Variants in BRCA1 observed in about 807,000 individuals in gnomAD.
BRCA1 encodes BRCA1 DNA repair associated.
In BRCA1, 140 loss-of-function variants were observed where a neutral mutation model predicts 173.7. The ratio of observed to expected loss-of-function variants is 0.81; its 90% confidence interval spans 0.70 to 0.93. The LOEUF (loss-of-function observed/expected upper bound fraction) is 0.93. Ranked by LOEUF, BRCA1 falls within the 40% of genes least tolerant of loss-of-function variation. BRCA1 has a pLI of 0.00. For synonymous variants in BRCA1, 662 were observed against 756.0 expected, an observed-to-expected ratio of 0.88 and a Z score of 2.04; for missense variants, 1,983 against 2,172.5, an observed-to-expected ratio of 0.91 and a Z score of 1.73.
chr17:43,067,630 A>T lies in BRCA1; in HGVS notation c.5052T>A (p.Thr1684=), dbSNP rs760922019. The change falls in exon 16 of 23, where the codon ACT becomes ACA. Residue 1684 remains threonine (T), a synonymous_variant. Coordinates refer to ENST00000357654, the MANE Select transcript of BRCA1 (RefSeq NM_007294.4). ...ITLTNLITEE[T]THVVMKTDAE... ...TACCTGTTTTCATAACAACATGAGT[A>T]GTCTCTTCAGTAATTAGATTAGTTA... 6 of 1,612,406 alleles carry T rather than the reference A, an allele frequency of 3.7e-6. No homozygotes were observed. The highest frequency in any genetic ancestry group is 5.1e-6 in the Non-Finnish European group (6 of 1,178,450).
chr17:43,150,140 T>C lies in BRCA1; in HGVS notation c.-20+19986A>G, dbSNP rs146549889. Among the ~76,000 whole-genome samples the C allele has an allele frequency of 2.8e-4, 42 of 152,216 alleles. No individual in the cohort carries two copies. In the East Asian group the frequency reaches 7.9e-3, roughly 29 times the overall value. ...TATTTATTTATTTGAGACCGGGTCT[T>C]GCCCTGTTGCCCTGGCTAGAGTGTA... On this transcript the variant is annotated intron_variant, in intron 1 of 7. Coordinates refer to the BRCA1 transcript ENST00000634433.
chr17:43,104,685 C>T (rs141203907), intron 5 of BRCA1, among the ~76,000 whole-genome samples, 183 bp downstream of exon 5: 57 of 152,182 alleles, frequency 3.7e-4, no homozygotes, highest in African/African-American at 9.2e-4. Context: ...GTGCACCTTA[C>T]GATTGATAAA....
rs201678971 is a variant in BRCA1 at position 43,100,585 on chromosome 17, CAT to C, written c.442-707_442-706del. ...ATATATATATATAACATATATATAA[CAT>C]ATATATATTATATATATATAACATA... On this transcript the variant is annotated intron_variant, in intron 6 of 22. Transcript: ENST00000357654. Among the ~76,000 whole-genome samples the C allele has an allele frequency of 3.5e-3, 326 of 93,536 alleles. 12 individuals carry two copies. Among genetic ancestry groups the C allele is most frequent in the Non-Finnish European group, 4.5e-3 (242 of 53,240 alleles). The allele number at this position is 93,536 out of a possible 152,430, so 61.4% of individuals were successfully genotyped here. A position where few individuals can be genotyped will look rare whatever the true frequency, so the allele number is the denominator to read the frequency against.
chr17:43,100,630 TG>T (rs1278852541), intron 6 of BRCA1, among the ~76,000 whole-genome samples: 5 of 57,828 alleles, frequency 8.6e-5, no homozygotes, highest in South Asian at 7.4e-4. Flanking sequence ...CATATATATA[TG>T]TTATATATAT....
At chr17:43,126,267 C>T (rs749009072), upstream of BRCA1, among the ~76,000 whole-genome samples, 89 of 152,196 alleles carry the variant, frequency 5.8e-4, 1 homozygote, top group Admixed American at 5.6e-3. Flanking sequence ...ACGCAATCGC[C>T]ACCAGTCAAT....
intron 15 of BRCA1, among the ~76,000 whole-genome samples, chr17:43,069,634 G>C (rs2153772820): frequency 6.6e-6 from 1 of 152,220 alleles, no homozygotes; most frequent in African/African-American, 2.4e-5. Flanking sequence ...TCTGGACATG[G>C]GATTATGAGA....
intron 18 of BRCA1, among the ~76,000 whole-genome samples, chr17:43,059,046 G>A (rs1393836714): frequency 6.6e-6 from 1 of 152,150 alleles, no homozygotes; most frequent in Non-Finnish European, 1.5e-5. Context: ...TGAATGAGGA[G>A]TCTAGTGATA....
At chr17:43,169,117 C>T (rs1328076804) in intron 1 of BRCA1, among the ~76,000 whole-genome samples, 1 of 152,190 alleles carries the variant, frequency 6.6e-6, no homozygotes, top group Non-Finnish European at 1.5e-5. Context: ...CCTTCCCAGA[C>T]ATATTCCTGG....
At position 43,093,535 on chromosome 17, in the gene BRCA1, G is replaced by C. The variant is rs1555590709; in HGVS notation, c.1996C>G (p.Leu666Val). ...NQMPVRHSRNLQLMEGKEPAT... is the reference protein window; with the variant it reads ...NQMPVRHSRNVQLMEGKEPAT... ...GGTTCTTTACCTTCCATGAGTTGTA[G>C]GTTTCTGCTGTGCCTGACTGGCATT... Residue 666 changes from leucine to valine, a missense_variant, in exon 10 of 23, where the codon CTA (leucine) becomes GTA (valine). Transcript: ENST00000357654. The C allele has an allele frequency of 6.2e-7, 1 of 1,613,950 alleles. No individual in the cohort carries two copies. Among genetic ancestry groups the C allele is most frequent in the Admixed American group, 1.7e-5 (1 of 60,008 alleles).
At chr17:43,087,357 T>C (rs2053266612) in intron 11 of BRCA1, among the ~76,000 whole-genome samples, 1 of 152,064 alleles carries the variant, frequency 6.6e-6, no homozygotes, top group African/African-American at 2.4e-5. Context: ...AAAAATGAAG[T>C]CACTTAAGAA....
chr17:43,064,998 T>C (rs1024297775), intron 16 of BRCA1, among the ~76,000 whole-genome samples: 1 of 151,912 alleles, frequency 6.6e-6, no homozygotes, highest in Non-Finnish European at 1.5e-5. Context: ...GCCCGGCTAA[T>C]TTTTTGTATT....
chr17:43,093,825 T>C lies in BRCA1; in HGVS notation c.1706A>G (p.Asn569Ser), dbSNP rs1060502329. 1.2e-6 allele frequency: 2 copies of C among 1,613,484 alleles called. No homozygotes were observed. Among genetic ancestry groups the C allele is most frequent in the Non-Finnish European group, 1.7e-6 (2 of 1,179,866 alleles). The change falls in exon 10 of 23, where the codon AAC becomes AGC. Residue 569 changes from asparagine to serine, a missense_variant. Transcript: ENST00000357654. ...TTCTTTTTCGAGTGATTCTATTGGG[T>C]TAGGATTTTTCTCATTCTGAATAGA... Reference protein sequence around the residue: ...GDSIQNEKNPNPIESLEKESA... With the variant: ...GDSIQNEKNPSPIESLEKESA...
intron 6 of BRCA1, among the ~76,000 whole-genome samples, chr17:43,100,217 T>C (rs1175320337): frequency 6.6e-6 from 1 of 152,126 alleles, no homozygotes; most frequent in Non-Finnish European, 1.5e-5. Context: ...GATTTGAATT[T>C]TTTTTTCTGT....
intron 6 of BRCA1, among the ~76,000 whole-genome samples, chr17:43,102,625 G>T (rs2054539419): frequency 6.6e-6 from 1 of 151,722 alleles, no homozygotes; most frequent in South Asian, 2.1e-4. Flanking sequence ...AAGGTGCTGG[G>T]ATTGCAGGTG....
Position 43,044,407 on chromosome 17 carries a change from A to T in BRCA1, c.*1271T>A, listed in dbSNP as rs1555574034. ...TTGCACACTGGGGGGGCTAGGGAAG[A>T]CCTAGTCCTTCCAACAGCTATAAAC... On this transcript the variant is annotated 3_prime_UTR_variant, in exon 23 of 23. Coordinates refer to ENST00000357654, the MANE Select transcript of BRCA1 (RefSeq NM_007294.4). The T allele has an allele frequency of 2.0e-6, 1 of 507,016 alleles. No homozygotes were observed. The highest frequency in any genetic ancestry group is 4.4e-5 in the East Asian group (1 of 22,724). The allele number at this position is 507,016 out of a possible 1,614,324, so 31.4% of individuals were successfully genotyped here.
At chr17:43,050,651 C>T (rs2051171922) in intron 20 of BRCA1, among the ~76,000 whole-genome samples, 2 of 151,594 alleles carry the variant, frequency 1.3e-5, no homozygotes, top group South Asian at 4.2e-4. Flanking sequence ...CGAGAATCTT[C>T]CCCTGCTCTG....
At chr17:43,130,351 A>G (rs188324867), upstream of BRCA1, among the ~76,000 whole-genome samples, 4 of 152,000 alleles carry the variant, frequency 2.6e-5, no homozygotes, top group Admixed American at 1.3e-4. Flanking sequence ...GTCTCGCTCT[A>G]TCACCCAGGC....
intron 6 of BRCA1, among the ~76,000 whole-genome samples, chr17:43,102,679 A>G (rs868079638): frequency 1.1e-4 from 16 of 149,686 alleles, no homozygotes; most frequent in African/African-American, 3.7e-4. Context: ...TTGCAACTAG[A>G]TCTTGCTTTG....
intron 11 of BRCA1, among the ~76,000 whole-genome samples, chr17:43,088,795 ACTGT>A (rs1217238349): frequency 6.6e-6 from 1 of 152,204 alleles, no homozygotes; most frequent in African/African-American, 2.4e-5. Flanking sequence ...ACATAAGCAA[ACTGT>A]CTAAGATCAC....
Sources: allele counts gnomAD v4.1 joint callset (sites outside exome capture counted in the v4.1 genomes callset), GRCh38; gene constraint gnomAD v4.1.1; transcripts MANE v1.5; gene names NCBI Gene and HGNC (gene_info 2026-07-23, HGNC 2026-07-21).